Variants in PRKCA observed in about 807,000 individuals in gnomAD.
PRKCA encodes the protein protein kinase C alpha, also known as protein kinase C alpha type.
PRKCA carries 27 observed loss-of-function variants against 87.0 expected under a neutral mutation model. The ratio of observed to expected loss-of-function variants is 0.31; its 90% CI spans 0.23 to 0.43. The LOEUF is 0.43. Ranked by LOEUF, PRKCA falls within the 20% of genes least tolerant of loss-of-function variation. PRKCA has a pLI of 1.00. For missense variants in PRKCA, 518 were observed against 852.3 expected (o/e 0.61, Z 4.88); for synonymous variants, 329 against 311.1 (o/e 1.06, Z -0.61).
intron 2 of PRKCA, among the ~76,000 whole-genome samples, chr17:66,391,840 T>C (rs1053709511): frequency 6.6e-6 from 1 of 152,060 alleles, no homozygotes; most frequent in Non-Finnish European, 1.5e-5. Context: ...CACACACACA[T>C]GTGCACAGAC....
intron 5 of PRKCA, among the ~76,000 whole-genome samples, chr17:66,682,841 T>C (rs1598870840): frequency 1.3e-5 from 2 of 152,312 alleles, no homozygotes; most frequent in South Asian, 4.2e-4. Flanking sequence ...CCAGTATTGC[T>C]CTTAGGCTGT....
At chr17:66,615,745 C>A (rs984357349) in intron 3 of PRKCA, among the ~76,000 whole-genome samples, 1 of 152,094 alleles carries the variant, frequency 6.6e-6, no homozygotes, top group South Asian at 2.1e-4. Context: ...GGCATTCCGT[C>A]GGCAGTCACC....
In PRKCA at chr17:66,735,613, T is replaced by A; in HGVS notation, c.1181T>A (p.Leu394His). 1 of 1,614,196 alleles carries A rather than the reference T, an allele frequency of 6.2e-7. No homozygotes were observed. Among genetic ancestry groups the A allele is most frequent in the South Asian group, 1.1e-5 (1 of 91,082 alleles). ...GTAGAAAAGCGAGTCTTGGCCCTGC[T>A]TGACAAACCCCCGTTCTTGACGCAG... Reference protein sequence around the residue: ...TMVEKRVLALLDKPPFLTQLH... With the variant: ...TMVEKRVLALHDKPPFLTQLH... Residue 394 changes from leucine (L) to histidine (H), a missense_variant, in exon 10 of 17, where the codon CTT (leucine) becomes CAT (histidine). Transcript: ENST00000413366.
intron 13 of PRKCA, among the ~76,000 whole-genome samples, chr17:66,762,609 G>C (rs149628238): frequency 1.3e-5 from 2 of 152,286 alleles, no homozygotes; most frequent in African/African-American, 4.8e-5. Flanking sequence ...CTTCTCCCCT[G>C]CTGCGGGGCT....
At position 66,788,846 on chromosome 17, in the gene PRKCA, C is replaced by T. The variant is rs766918637; in HGVS notation, c.1721C>T (p.Thr574Ile). Reference sequence around the variant, plus strand: ...TCTCCTTTTCCTTTCTAGCTGATGACCAAACACCCAGCCAAGCGGCTGGGC... The same window carrying T: ...TCTCCTTTTCCTTTCTAGCTGATGATCAAACACCCAGCCAAGCGGCTGGGC... ...EAVSVCKGLM[T>I]KHPAKRLGCG... The change falls in exon 16 of 17, where the codon ACC becomes ATC. Residue 574 changes from threonine (T) to isoleucine (I), a missense_variant. By Grantham distance (89) the Thr-to-Ile change is moderately conservative. Transcript: ENST00000413366. The T allele has an allele frequency of 5.6e-6, 9 of 1,612,304 alleles. No homozygotes were observed. Among genetic ancestry groups the T allele is most frequent in the South Asian group, 1.1e-5 (1 of 91,026 alleles).
intron 3 of PRKCA, among the ~76,000 whole-genome samples, chr17:66,569,649 C>G (rs1048159132): frequency 6.6e-6 from 1 of 152,050 alleles, no homozygotes; most frequent in Non-Finnish European, 1.5e-5. Context: ...TTGTAAACTT[C>G]ATGAAAGAGG....
chr17:66,313,716 C>G (rs1393227421), intron 2 of PRKCA, among the ~76,000 whole-genome samples: 2 of 152,198 alleles, frequency 1.3e-5, no homozygotes, highest in Non-Finnish European at 2.9e-5. Context: ...AGTAGCTCAA[C>G]TTCACTGATT....
intron 3 of PRKCA, among the ~76,000 whole-genome samples, chr17:66,564,115 G>A (rs928524211): frequency 5.3e-5 from 8 of 150,984 alleles, no homozygotes; most frequent in Admixed American, 1.3e-4. Flanking sequence ...GTCTCGCTCT[G>A]TTGCCCAGGT....
chr17:66,641,930 A>G (rs1971307364), intron 4 of PRKCA, among the ~76,000 whole-genome samples: 2 of 152,178 alleles, frequency 1.3e-5, no homozygotes, highest in Admixed American at 6.5e-5. Flanking sequence ...CAAAATGAAC[A>G]TAAAAACCAG....
chr17:66,712,032 T>C (rs1395865478), intron 8 of PRKCA, among the ~76,000 whole-genome samples: 2 of 152,140 alleles, frequency 1.3e-5, no homozygotes, highest in African/African-American at 4.8e-5. Context: ...CGCCCTTGTC[T>C]GTGTTTGAAA....
At chr17:66,321,835 T>G (rs921822508) in intron 2 of PRKCA, among the ~76,000 whole-genome samples, 1 of 152,108 alleles carries the variant, frequency 6.6e-6, no homozygotes, top group Non-Finnish European at 1.5e-5. Context: ...GTTAGCTAAC[T>G]TGTCTTAAAA....
intron 3 of PRKCA, among the ~76,000 whole-genome samples, chr17:66,610,005 A>T (rs1970307960): frequency 6.6e-6 from 1 of 151,976 alleles, no homozygotes; most frequent in South Asian, 2.1e-4. Context: ...CTACCTGGAG[A>T]TAGCATCAGG....
intron 2 of PRKCA, among the ~76,000 whole-genome samples, chr17:66,411,549 C>CG (rs1911807407): frequency 6.6e-6 from 1 of 152,138 alleles, no homozygotes; most frequent in African/African-American, 2.4e-5. Context: ...TGTGGACTGC[C>CG]GGGAGTCTAC....
intron 5 of PRKCA, among the ~76,000 whole-genome samples, chr17:66,656,869 G>A (rs781693752): frequency 2.0e-5 from 3 of 152,132 alleles, no homozygotes; most frequent in Admixed American, 1.3e-4. Context: ...AGCTAGAATA[G>A]GCAGGTGCTG....
At chr17:66,564,500 CTTTAAGGATGTTA>C (rs1478081584) in intron 3 of PRKCA, among the ~76,000 whole-genome samples, 1 of 152,172 alleles carries the variant, frequency 6.6e-6, no homozygotes, top group Non-Finnish European at 1.5e-5. Context: ...CATGGTGCCT[CTTTAAGGATGTTA>C]TTCAGCTGAT....
intron 5 of PRKCA, among the ~76,000 whole-genome samples, chr17:66,685,030 T>C (rs1283550845): frequency 6.6e-6 from 1 of 152,144 alleles, no homozygotes. Context: ...TTAAAACCTT[T>C]CACATGAGCT....
At chr17:66,454,855 A>G (rs569195707) in intron 2 of PRKCA, among the ~76,000 whole-genome samples, 5 of 152,360 alleles carry the variant, frequency 3.3e-5, no homozygotes, top group African/African-American at 1.2e-4. Context: ...GGCCAGCCCC[A>G]GGGCAGAGAA....
chr17:66,646,984 G>A (rs1971474085), intron 5 of PRKCA, among the ~76,000 whole-genome samples: 1 of 152,000 alleles, frequency 6.6e-6, no homozygotes, highest in Admixed American at 6.6e-5. Context: ...TTGCCTTTGG[G>A]GCTGTGATTG....
intron 2 of PRKCA, among the ~76,000 whole-genome samples, chr17:66,479,417 T>G (rs1175648955): frequency 6.6e-6 from 1 of 152,168 alleles, no homozygotes; most frequent in Non-Finnish European, 1.5e-5. Context: ...AAATGTAAAT[T>G]AGTTCAACCA....
Sources: gnomAD v4.1 joint callset for allele counts (sites outside exome capture counted in the v4.1 genomes callset) on GRCh38, gnomAD v4.1.1 for gene constraint, MANE v1.5 for transcripts, NCBI Gene and HGNC (gene_info 2026-07-23, HGNC 2026-07-21) for gene names.